Variants in ZBTB7C observed in about 807,000 individuals in gnomAD.
ZBTB7C encodes zinc finger and BTB domain containing 7C, also known as zinc finger and BTB domain-containing protein 7C.
In ZBTB7C, 8 loss-of-function variants were observed where a neutral mutation model predicts 25.7. That is an observed-to-expected ratio of 0.31 (90% confidence interval 0.18 to 0.56). The LOEUF (loss-of-function observed/expected upper bound fraction) is 0.56. Ranked by LOEUF, ZBTB7C falls within the 20% of genes least tolerant of loss-of-function variation. The pLI is 0.91. For synonymous variants in ZBTB7C, 394 were observed against 369.0 expected, an observed-to-expected ratio of 1.07 and a Z score of -0.78; for missense variants, 824 against 855.2, an observed-to-expected ratio of 0.96 and a Z score of 0.46.
At chr18:48,187,538 G>A (rs2042085807) in intron 2 of ZBTB7C, among the ~76,000 whole-genome samples, 1 of 152,148 alleles carries the variant, frequency 6.6e-6, no homozygotes, top group Non-Finnish European at 1.5e-5. Context: ...AGAAGGCCGG[G>A]CATGGTGGCT....
chr18:48,246,121 A>G (rs1160116238), intron 2 of ZBTB7C, among the ~76,000 whole-genome samples: 5 of 152,162 alleles, frequency 3.3e-5, no homozygotes, highest in Non-Finnish European at 5.9e-5. Flanking sequence ...GGGTAAAGGG[A>G]GCTAAACAGT....
At chr18:48,215,393 G>C (rs973103980) in intron 2 of ZBTB7C, among the ~76,000 whole-genome samples, 26 of 152,178 alleles carry the variant, frequency 1.7e-4, no homozygotes, top group African/African-American at 6.3e-4. Flanking sequence ...CAAGGTGGTT[G>C]GGTTACAGCT....
chr18:48,196,243 C>G (rs2042314943), intron 2 of ZBTB7C, among the ~76,000 whole-genome samples: 1 of 152,208 alleles, frequency 6.6e-6, no homozygotes, highest in African/African-American at 2.4e-5. Context: ...CCTGGGGCTG[C>G]TTCTTCCCTA....
chr18:48,374,925 C>T (rs1202442769), intron 1 of ZBTB7C, among the ~76,000 whole-genome samples: 1 of 152,168 alleles, frequency 6.6e-6, no homozygotes, highest in Non-Finnish European at 1.5e-5. Flanking sequence ...AGAGTTCATA[C>T]TGGCGGAATA....
chr18:48,253,519 G>A (rs76433130), intron 2 of ZBTB7C, among the ~76,000 whole-genome samples: 238 of 152,276 alleles, frequency 1.6e-3, no homozygotes, highest in African/African-American at 5.5e-3. Flanking sequence ...AGAGTGTCCA[G>A]GCCATAGAGC....
chr18:48,032,323 G>C (rs2035789044), intron 4 of ZBTB7C, among the ~76,000 whole-genome samples: 1 of 150,646 alleles, frequency 6.6e-6, no homozygotes, highest in Admixed American at 6.6e-5. Context: ...CACCATGTTG[G>C]TCAGGCTGGT....
intron 1 of ZBTB7C, among the ~76,000 whole-genome samples, chr18:48,338,868 T>G (rs1290068353): frequency 6.9e-6 from 1 of 144,686 alleles, no homozygotes; most frequent in African/African-American, 2.5e-5. Context: ...AACTCTTCTA[T>G]CCCAGATCTC....
chr18:48,344,063 C>T (rs1035127011), intron 1 of ZBTB7C, among the ~76,000 whole-genome samples: 6 of 152,194 alleles, frequency 3.9e-5, no homozygotes, highest in Admixed American at 1.3e-4. Flanking sequence ...CGGCTCACTG[C>T]AACCTCCACC....
At chr18:48,336,663 T>C (rs902038652) in intron 2 of ZBTB7C, among the ~76,000 whole-genome samples, 2 of 152,188 alleles carry the variant, frequency 1.3e-5, no homozygotes, top group African/African-American at 2.4e-5. Flanking sequence ...TCCCTGGCTC[T>C]TTCTGGTCTT....
chr18:48,176,616 C>CTGTGTGT (rs146025748), intron 3 of ZBTB7C, among the ~76,000 whole-genome samples: 1 of 149,642 alleles, frequency 6.7e-6, no homozygotes, highest in African/African-American at 2.5e-5. Context: ...AGGAAATACA[C>CTGTGTGT]GTGTGTGTGT....
At chr18:48,308,532 C>G (rs751228334) in intron 2 of ZBTB7C, among the ~76,000 whole-genome samples, 33 of 152,198 alleles carry the variant, frequency 2.2e-4, no homozygotes, top group Non-Finnish European at 4.6e-4. Flanking sequence ...GCTGGGTCCT[C>G]TCAGCCAGAG....
chr18:48,040,696 C>A lies in ZBTB7C; in HGVS notation c.412G>T (p.Asp138Tyr), dbSNP rs187400646. The A allele has an allele frequency of 6.2e-7, 1 of 1,613,872 alleles. No individual in the cohort carries two copies. The highest frequency in any genetic ancestry group is 1.7e-5 in the Admixed American group (1 of 59,986). ...TCGTCGTCGTCATCGTCCTCCTTGTCATCCTCCTCCCCCCCGTCCCCCCCA... is the reference window on the plus strand; with the variant it reads ...TCGTCGTCGTCATCGTCCTCCTTGTAATCCTCCTCCCCCCCGTCCCCCCCA... ...EPGGDGGEED[D>Y]KEDDDDDEDD... The change falls in exon 4 of 5, where the codon GAC (aspartate) becomes TAC (tyrosine). Residue 138 changes from aspartate to tyrosine, a missense_variant. By Grantham distance (160) the Asp-to-Tyr change is radical (BLOSUM62 -3). This residue lies in a region of ZBTB7C where 316 missense variants were observed against 299.2 expected (regional missense o/e 1.06). Coordinates refer to ENST00000590800, the MANE Select transcript of ZBTB7C (RefSeq NM_001318841.2).
At chr18:48,144,593 G>T (rs778604859) in intron 3 of ZBTB7C, among the ~76,000 whole-genome samples, 1 of 152,018 alleles carries the variant, frequency 6.6e-6, no homozygotes, top group Non-Finnish European at 1.5e-5. Context: ...CCATCTGCTC[G>T]CCTCAGCCTC....
intron 2 of ZBTB7C, among the ~76,000 whole-genome samples, chr18:48,212,264 A>C (rs949190459): frequency 6.6e-6 from 1 of 152,194 alleles, no homozygotes; most frequent in African/African-American, 2.4e-5. Flanking sequence ...GATCCTAACT[A>C]TATGACACTC....
chr18:48,226,997 G>T (rs562745878), intron 2 of ZBTB7C, among the ~76,000 whole-genome samples: 190 of 139,978 alleles, frequency 1.4e-3, no homozygotes, highest in African/African-American at 4.9e-3. Context: ...TCCAGCCTGG[G>T]CAATAGAGTG....
At chr18:48,224,166 C>A (rs953720688) in intron 2 of ZBTB7C, among the ~76,000 whole-genome samples, 1 of 152,196 alleles carries the variant, frequency 6.6e-6, no homozygotes, top group East Asian at 1.9e-4. Context: ...ATGGTCTCTG[C>A]TACTAGCAGC....
chr18:48,089,463 C>T (rs1354130434), intron 3 of ZBTB7C, among the ~76,000 whole-genome samples: 1 of 140,244 alleles, frequency 7.1e-6, no homozygotes, highest in Non-Finnish European at 1.5e-5. Flanking sequence ...CAGAGCGAGA[C>T]TCAAGACTCC....
At chr18:48,194,320 C>T (rs182098021) in intron 2 of ZBTB7C, among the ~76,000 whole-genome samples, 1 of 152,332 alleles carries the variant, frequency 6.6e-6, no homozygotes, top group East Asian at 1.9e-4. Flanking sequence ...AGTCATCCTG[C>T]AGCTCTCTGT....
At chr18:48,290,794 G>A (rs935854100) in intron 2 of ZBTB7C, among the ~76,000 whole-genome samples, 2 of 152,180 alleles carry the variant, frequency 1.3e-5, no homozygotes, top group African/African-American at 4.8e-5. Context: ...GACAGCCCGC[G>A]GAAAGCCACC....
Sources: allele counts gnomAD v4.1 joint callset (sites outside exome capture counted in the v4.1 genomes callset), GRCh38; gene constraint gnomAD v4.1.1; regional missense constraint gnomAD v4.1.1; transcripts MANE v1.5; gene names NCBI Gene and HGNC (gene_info 2026-07-23, HGNC 2026-07-21).